Variants in PCDH15 observed in about 807,000 individuals in gnomAD.
PCDH15 encodes the protein protocadherin related 15, also known as protocadherin-15.
Under a neutral mutation model 178.5 loss-of-function variants are expected in PCDH15, and 129 were observed. The observed-to-expected ratio is 0.72, with a 90% CI of 0.63 to 0.84. The LOEUF (loss-of-function observed/expected upper bound fraction) is 0.84, where lower values mean the gene tolerates loss of function less well. Ranked by LOEUF, PCDH15 falls within the 40% of genes least tolerant of loss-of-function variation. The pLI is 0.00. For missense variants in PCDH15, 2,230 were observed against 2,099.9 expected (o/e 1.06, Z -1.21); for synonymous variants, 800 against 732.0 (o/e 1.09, Z -1.50).
intron 20 of PCDH15, 66 bp from the exon 21 acceptor site, chr10:53,995,831 T>A: frequency 7.3e-7 from 1 of 1,372,224 alleles, no homozygotes; most frequent in Non-Finnish European, 1.0e-6. Flanking sequence ...GTTACTAGAT[T>A]GACTCCCAGT....
intron 1 of PCDH15, among the ~76,000 whole-genome samples, chr10:54,793,936 A>G (rs1192761289): frequency 6.7e-6 from 1 of 148,590 alleles, no homozygotes; most frequent in Non-Finnish European, 1.5e-5. Flanking sequence ...AAAGTTGTAT[A>G]GGAAAACTTG....
chr10:54,199,186 G>A (rs2049986171), intron 10 of PCDH15, among the ~76,000 whole-genome samples: 1 of 151,856 alleles, frequency 6.6e-6, no homozygotes, highest in African/African-American at 2.4e-5. Flanking sequence ...AATATTTTTG[G>A]ATTGCTACTA....
intron 26 of PCDH15, among the ~76,000 whole-genome samples, chr10:53,874,990 G>A (rs1276578903): frequency 6.6e-6 from 1 of 151,946 alleles, no homozygotes; most frequent in African/African-American, 2.4e-5. Context: ...TGAAATGATA[G>A]GGCAAAGGAA....
In PCDH15 at chr10:54,656,521, C is replaced by T. The variant is rs115335248; in HGVS notation, c.91+7651G>A. Among the ~76,000 whole-genome samples the T allele has an allele frequency of 4.3e-3, 649 of 152,264 alleles. 5 individuals are homozygous for T. Among genetic ancestry groups the T allele is most frequent in the African/African-American group, 0.014 (562 of 41,562 alleles). On this transcript the variant is annotated intron_variant, in intron 2 of 37. Transcript: ENST00000644397. ...CAGGGGTGCCCACACTCTTCTCAGGCCTGAACTGAGATGTCAAGTGCCGTA... is the reference window on the plus strand; with the variant it reads ...CAGGGGTGCCCACACTCTTCTCAGGTCTGAACTGAGATGTCAAGTGCCGTA...
intron 2 of PCDH15, among the ~76,000 whole-genome samples, chr10:55,469,949 G>A (rs893695566): frequency 6.6e-6 from 1 of 151,872 alleles, no homozygotes; most frequent in Non-Finnish European, 1.5e-5. Context: ...GGTGTTTCAT[G>A]GATTTGTTTT....
At chr10:55,173,084 T>A (rs1166603554) in intron 1 of PCDH15, among the ~76,000 whole-genome samples, 1 of 151,988 alleles carries the variant, frequency 6.6e-6, no homozygotes, top group Non-Finnish European at 1.5e-5. Flanking sequence ...TGACTAATGC[T>A]GGGGACATGT....
chr10:55,136,629 A>C (rs952205019), intron 2 of PCDH15, among the ~76,000 whole-genome samples: 3 of 152,270 alleles, frequency 2.0e-5, no homozygotes, highest in African/African-American at 7.2e-5. Context: ...CCTAGGAAGC[A>C]TTCAGGCTTA....
At position 55,292,707 on chromosome 10, in the gene PCDH15, A is replaced by C. The variant is rs560281513; in HGVS notation, c.-156+26892T>G. Among the ~76,000 whole-genome samples the C allele has an allele frequency of 3.3e-5, 5 of 152,242 alleles. No individual in the cohort carries two copies. In the South Asian group the frequency reaches 1.0e-3, roughly 32 times the overall value. The stretch of plus-strand genomic sequence containing the variant: ...CAGGCAGTCAAACCTTAAAGCTCGA[A>C]AATGATCTCTTTAACTCCATGTTTC... On this transcript the variant is annotated intron_variant, in intron 1 of 5. Coordinates refer to the PCDH15 transcript ENST00000458638.
At chr10:55,386,376 T>C (rs746930509) in intron 2 of PCDH15, among the ~76,000 whole-genome samples, 4 of 152,034 alleles carry the variant, frequency 2.6e-5, no homozygotes, top group Non-Finnish European at 5.9e-5. Flanking sequence ...TGAGGAGTTA[T>C]TAAAAATTAA....
At chr10:54,392,139 T>C (rs1950610854) in intron 3 of PCDH15, among the ~76,000 whole-genome samples, 1 of 152,036 alleles carries the variant, frequency 6.6e-6, no homozygotes, top group South Asian at 2.1e-4. Flanking sequence ...AAGAATTGCA[T>C]ACACATTTGA....
At chr10:53,965,460 G>C (rs936788850) in intron 21 of PCDH15, among the ~76,000 whole-genome samples, 5 of 152,120 alleles carry the variant, frequency 3.3e-5, no homozygotes, top group African/African-American at 4.8e-5. Context: ...AACAAACTTG[G>C]CTCACACTAA....
rs538975722 is a variant in PCDH15 at position 55,032,742 on chromosome 10, G to C, written c.-80+133834C>G. ...CAGGTGCTATTCATCAAGACAGTGG[G>C]AGAGTGACTCTGAAGACATTTCAGG... On this transcript the variant is annotated intron_variant, in intron 2 of 5. Coordinates refer to the PCDH15 transcript ENST00000458638. Among the ~76,000 whole-genome samples the C allele has an allele frequency of 2.6e-5, 4 of 152,258 alleles. No homozygotes were observed. The South Asian group carries it at 8.3e-4, about 32-fold the overall frequency.
At chr10:55,311,659 A>G (rs1162700048) in intron 1 of PCDH15, among the ~76,000 whole-genome samples, 3 of 152,210 alleles carry the variant, frequency 2.0e-5, no homozygotes, top group Non-Finnish European at 4.4e-5. Context: ...ATCAGGTAGT[A>G]GGTAGGCAGC....
chr10:53,850,465 T>C (rs956620401), intron 28 of PCDH15, among the ~76,000 whole-genome samples: 3 of 152,134 alleles, frequency 2.0e-5, no homozygotes, highest in Admixed American at 6.5e-5. Flanking sequence ...CTCTACTAAA[T>C]AATGCTCCAA....
At chr10:54,427,466 C>T (rs1230371095) in intron 3 of PCDH15, among the ~76,000 whole-genome samples, 14 of 151,156 alleles carry the variant, frequency 9.3e-5, no homozygotes, top group Non-Finnish European at 8.9e-5. Context: ...TTAGTAGAGA[C>T]GGGGTTTCTC....
Position 55,018,647 on chromosome 10 carries a change from A to C in PCDH15, c.-79-121147T>G, listed in dbSNP as rs369881298. Among the ~76,000 whole-genome samples, 17 of 152,256 alleles carry C rather than the reference A, an allele frequency of 1.1e-4. 1 individual carries two copies. The East Asian group carries it at 2.3e-3, about 21-fold the overall frequency. On this transcript the variant is annotated intron_variant, in intron 2 of 5. Transcript: ENST00000458638. ...AGGATAAGGTAGGGATAAAGAAAAG[A>C]AGCACTATTTGAAGAAACTTTTTAA... is the stretch of plus-strand genomic sequence containing the variant.
intron 1 of PCDH15, among the ~76,000 whole-genome samples, chr10:55,224,767 G>A (rs987653115): frequency 3.9e-5 from 6 of 152,016 alleles, no homozygotes; most frequent in African/African-American, 1.5e-4. Flanking sequence ...CAGGGCTTGC[G>A]TGATATAACT....
intron 1 of PCDH15, among the ~76,000 whole-genome samples, chr10:55,315,479 G>A (rs193271980): frequency 2.6e-5 from 4 of 152,114 alleles, no homozygotes; most frequent in East Asian, 1.9e-4. Context: ...AGTCTATATT[G>A]TGCTAAATCT....
intron 1 of PCDH15, among the ~76,000 whole-genome samples, chr10:55,311,829 T>C (rs1382792867): frequency 6.6e-6 from 1 of 152,214 alleles, no homozygotes; most frequent in Non-Finnish European, 1.5e-5. Context: ...ACTCCATGTG[T>C]GCTAATACTC....
Sources: allele counts gnomAD v4.1 joint callset (sites outside exome capture counted in the v4.1 genomes callset), GRCh38; gene constraint gnomAD v4.1.1; transcripts MANE v1.5; gene names NCBI Gene and HGNC (gene_info 2026-07-23, HGNC 2026-07-21).